The following ADAMTS3 variants were observed in gnomAD, a reference collection of about 807,000 sequenced individuals.
ADAMTS3 encodes A disintegrin and metalloproteinase with thrombospondin motifs 3.
Under a neutral mutation model 129.0 loss-of-function variants are expected in ADAMTS3, and 73 were observed. The observed-to-expected ratio is 0.57, with a 90% confidence interval of 0.47 to 0.69. ADAMTS3 has a LOEUF of 0.69. Among genes scored for constraint, ADAMTS3 ranks in the 30% least tolerant of loss-of-function variants. ADAMTS3 has a pLI of 0.00. For missense variants in ADAMTS3, 1,457 were observed against 1,514.5 expected, an observed-to-expected ratio of 0.96 and a Z score of 0.63; for synonymous variants, 477 against 510.8, an observed-to-expected ratio of 0.93 and a Z score of 0.89.
rs113433976 is a variant in ADAMTS3 at position 72,286,263 on chromosome 4, A to C, written c.3049+2488T>G. ...ACTTACAAAGTGGCAGCCTCTTAAC[A>C]GGAATAACTACATAAGAATAAAATA... On this transcript the variant is annotated intron_variant, in intron 21 of 21. Transcript: ENST00000286657. Among the ~76,000 whole-genome samples, 1,033 of 152,372 alleles carry C rather than the reference A, an allele frequency of 6.8e-3. 9 individuals are homozygous for C. Among genetic ancestry groups the C allele is most frequent in the African/African-American group, 0.023 (973 of 41,584 alleles).
intron 5 of ADAMTS3, among the ~76,000 whole-genome samples, chr4:72,324,814 T>A (rs961571970): frequency 6.6e-6 from 1 of 152,126 alleles, no homozygotes; most frequent in African/African-American, 2.4e-5. Context: ...GAATATATCC[T>A]GAGAAGAGCT....
Position 72,319,937 on chromosome 4 carries a change from G to A in ADAMTS3, c.1129C>T (p.His377Tyr), listed in dbSNP as rs1719510481. 6.2e-7 allele frequency: 1 copy of A among 1,613,354 alleles called. No individual in the cohort carries two copies. Among genetic ancestry groups the A allele is most frequent in the Non-Finnish European group, 8.5e-7 (1 of 1,179,436 alleles). Residue 377 changes from histidine (H) to tyrosine (Y), a missense_variant, in exon 8 of 22, where the codon CAT becomes TAT. By Grantham distance (83) the His-to-Tyr change is moderately conservative. Transcript: ENST00000286657. ...QGYAPVTGMCHPVRSCTLNHE... is the reference protein window; with the variant it reads ...QGYAPVTGMCYPVRSCTLNHE... Reference sequence around the variant, plus strand: ...TTCAGGGTACAACTTCTCACTGGATGACACATGCCGGTGACTGGAGCATAT... The same window carrying A: ...TTCAGGGTACAACTTCTCACTGGATAACACATGCCGGTGACTGGAGCATAT...
chr4:72,458,450 C>G (rs945989103), intron 3 of ADAMTS3, among the ~76,000 whole-genome samples: 2 of 151,362 alleles, frequency 1.3e-5, no homozygotes, highest in Non-Finnish European at 3.0e-5. Context: ...AGAATAGGAA[C>G]AGAAATTATG....
chr4:72,343,215 C>T (rs759534210), intron 4 of ADAMTS3, among the ~76,000 whole-genome samples: 9 of 152,136 alleles, frequency 5.9e-5, no homozygotes, highest in Non-Finnish European at 1.0e-4. Context: ...GCCATGTTGT[C>T]TCATCCTTAC....
At chr4:72,507,184 A>G (rs1324522105) in intron 3 of ADAMTS3, among the ~76,000 whole-genome samples, 1 of 152,200 alleles carries the variant, frequency 6.6e-6, no homozygotes, top group Non-Finnish European at 1.5e-5. Flanking sequence ...TACTTTTTAA[A>G]AAAGAACTAC....
rs1560563822 is a variant in ADAMTS3, at chr4:72,549,985, AGAAGAAGAGGAAGAG to A, written c.98-1116_98-1102del. On this transcript the variant is annotated intron_variant, in intron 2 of 21. Transcript: ENST00000286657. ...AAAAAGAAGAAGAAGAAGAAGAAGA[AGAAGAAGAGGAAGAG>A]GAAGAAGAAGAAGAAGAAGAAGAAG... 3.6e-3 allele frequency among the ~76,000 whole-genome samples: 110 copies of A among 30,614 alleles called. 11 individuals are homozygous for A. The highest frequency in any genetic ancestry group is 0.019 in the African/African-American group (90 of 4,616). The allele number at this position is 30,614 out of a possible 152,430, so 20.1% of individuals were successfully genotyped here.
chr4:72,501,380 T>C (rs1034614590), intron 3 of ADAMTS3, among the ~76,000 whole-genome samples: 24 of 152,144 alleles, frequency 1.6e-4, no homozygotes, highest in Admixed American at 3.3e-4. Context: ...ATTTAAGCTA[T>C]TTTAAATGGG....
At chr4:72,561,753 TTTTTG>T (rs1312214360) in intron 2 of ADAMTS3, among the ~76,000 whole-genome samples, 3 of 152,226 alleles carry the variant, frequency 2.0e-5, no homozygotes, top group Non-Finnish European at 2.9e-5. Context: ...CTAATGACTA[TTTTTG>T]TTTTATCAAT....
At chr4:72,423,094 G>A (rs1464356562) in intron 3 of ADAMTS3, among the ~76,000 whole-genome samples, 3 of 152,090 alleles carry the variant, frequency 2.0e-5, no homozygotes, top group East Asian at 1.9e-4. Flanking sequence ...ACAACTAAAC[G>A]TGGTTTTATT....
At chr4:72,289,742 G>A (rs1328104426) in intron 20 of ADAMTS3, among the ~76,000 whole-genome samples, 1 of 152,124 alleles carries the variant, frequency 6.6e-6, no homozygotes, top group Admixed American at 6.6e-5. Flanking sequence ...TTGCAGGAAT[G>A]GGCTACTGAT....
intron 21 of ADAMTS3, among the ~76,000 whole-genome samples, chr4:72,288,258 G>C (rs754650410): frequency 3.0e-4 from 45 of 152,178 alleles, no homozygotes; most frequent in Admixed American, 3.9e-4. Flanking sequence ...GGCAAATGCT[G>C]AATTTTATCC....
chr4:72,524,070 G>A (rs1187588934), intron 3 of ADAMTS3, among the ~76,000 whole-genome samples: 1 of 152,036 alleles, frequency 6.6e-6, no homozygotes, highest in Non-Finnish European at 1.5e-5. Flanking sequence ...GTTTAATTTT[G>A]TTTAGCTCAT....
At chr4:72,380,671 T>A (rs10938017) in intron 4 of ADAMTS3, among the ~76,000 whole-genome samples, 26,896 of 152,020 alleles carry the variant, frequency 0.18, 3,129 homozygotes, top group East Asian at 0.44. Flanking sequence ...TAAGGAAATA[T>A]CGAATTTCTC....
intron 5 of ADAMTS3, among the ~76,000 whole-genome samples, chr4:72,336,750 A>G (rs777282496): frequency 1.2e-4 from 19 of 152,128 alleles, no homozygotes; most frequent in Non-Finnish European, 2.5e-4. Context: ...TGGGCCAGAT[A>G]ATTAAAAATT....
At chr4:72,292,307 G>T (rs926879845) in intron 19 of ADAMTS3, among the ~76,000 whole-genome samples, 3 of 152,152 alleles carry the variant, frequency 2.0e-5, no homozygotes, top group African/African-American at 7.2e-5. Context: ...AATCTGGAGA[G>T]TTCACTCATG....
Position 72,394,928 on chromosome 4 carries a change from CT to C in ADAMTS3, c.661+19886del, listed in dbSNP as rs564753460. Among the ~76,000 whole-genome samples, 650 of 142,118 alleles carry C rather than the reference CT, an allele frequency of 4.6e-3. 1 individual carries two copies. Among genetic ancestry groups the C allele is most frequent in the African/African-American group, 9.0e-3 (351 of 38,988 alleles). The allele number at this position is 142,118 out of a possible 152,430, so 93.2% of individuals were successfully genotyped here. On this transcript the variant is annotated intron_variant, in intron 4 of 21. Coordinates refer to ENST00000286657, the MANE Select transcript of ADAMTS3 (RefSeq NM_014243.3). ...GTCTCCAACATATACGCACATTTGG[CT>C]TTTTTTTTTTTTGGAGATGGAGTTT...
intron 14 of ADAMTS3, 86 bp downstream of exon 14, chr4:72,310,962 A>G (rs1719215947): frequency 2.4e-6 from 3 of 1,256,856 alleles, no homozygotes; most frequent in African/African-American, 1.5e-5. Context: ...CAAAGATAAA[A>G]TAGTTTAAAA....
chr4:72,302,476 A>G (rs1433109744), intron 17 of ADAMTS3, among the ~76,000 whole-genome samples: 1 of 152,064 alleles, frequency 6.6e-6, no homozygotes, highest in Non-Finnish European at 1.5e-5. Flanking sequence ...AAAGATTATA[A>G]AGGATGAACA....
At chr4:72,436,103 A>T (rs1291558699) in intron 3 of ADAMTS3, among the ~76,000 whole-genome samples, 2 of 152,130 alleles carry the variant, frequency 1.3e-5, no homozygotes, top group Admixed American at 1.3e-4. Flanking sequence ...CAATCTACCC[A>T]TCTGACAAAG....
Sources: gnomAD v4.1 joint callset for allele counts (sites outside exome capture counted in the v4.1 genomes callset) on GRCh38, gnomAD v4.1.1 for gene constraint, MANE v1.5 for transcripts, NCBI Gene and HGNC (gene_info 2026-07-23, HGNC 2026-07-21) for gene names.